ZC3H7A: variants seen among roughly 807,000 people sequenced by gnomAD.
ZC3H7A encodes zinc finger CCCH domain-containing protein 7A.
A neutral mutation model predicts 125.5 loss-of-function variants in ZC3H7A; 44 were observed. The ratio of observed to expected loss-of-function variants is 0.35; its 90% CI spans 0.28 to 0.45. The LOEUF (loss-of-function observed/expected upper bound fraction) is 0.45. Among genes scored for constraint, ZC3H7A ranks in the 20% least tolerant of loss-of-function variants. ZC3H7A has a pLI of 1.00. For missense variants in ZC3H7A, 977 were observed against 1,170.7 expected (o/e 0.83, Z 2.41); for synonymous variants, 399 against 391.2 (o/e 1.02, Z -0.23).
chr16:11,763,809 C>CTTTTTT (rs561899308), intron 15 of ZC3H7A, 150 bp from the exon 16 acceptor site: 1 of 163,650 alleles, frequency 6.1e-6, no homozygotes, highest in Admixed American at 8.5e-5. Context: ...TTTTTTTTCT[C>CTTTTTT]TTTTTTTTTT....
At chr16:11,760,553 T>C (rs2052736642) in intron 19 of ZC3H7A, among the ~76,000 whole-genome samples, 1 of 152,184 alleles carries the variant, frequency 6.6e-6, no homozygotes, top group Non-Finnish European at 1.5e-5. Context: ...TTCAACTCCT[T>C]CTTGCAGTTC....
rs2053330205 is a variant in ZC3H7A, at chr16:11,790,406, G to A, written c.-35+6718C>T. 5.3e-5 allele frequency among the ~76,000 whole-genome samples: 8 copies of A among 152,284 alleles called. No homozygotes were observed. In the South Asian group the frequency reaches 1.7e-3, roughly 32 times the overall value. On this transcript the variant is annotated intron_variant, in intron 1 of 22. Coordinates refer to ENST00000355758, the MANE Select transcript of ZC3H7A (RefSeq NM_014153.4). ...TCTGCTCATTTTTCTTCCAGGCTGA[G>A]CTTTACTTATTTATGGAAGCTCTTT...
chr16:11,755,156 G>A (rs538831612), intron 21 of ZC3H7A, among the ~76,000 whole-genome samples: 12 of 149,528 alleles, frequency 8.0e-5, no homozygotes, highest in African/African-American at 3.0e-4. Context: ...GTTGCAGTGA[G>A]CCAAGACTAC....
intron 1 of ZC3H7A, among the ~76,000 whole-genome samples, chr16:11,792,785 G>A (rs2018451692): frequency 1.3e-5 from 2 of 152,198 alleles, no homozygotes; most frequent in Non-Finnish European, 1.5e-5. Flanking sequence ...TATCCACCTG[G>A]CTCTTCTGCA....
Position 11,761,422 on chromosome 16 carries a change from A to G in ZC3H7A, c.2303T>C (p.Met768Thr), listed in dbSNP as rs148354928. 1.2e-6 allele frequency: 2 copies of G among 1,613,954 alleles called. No homozygotes were observed. The highest frequency in any genetic ancestry group is 8.5e-7 in the Non-Finnish European group (1 of 1,179,964). ...NIRPLPTKKQ[M>T]PLQFDLCNHI... ...CGTATGTACATCAAACTGTAAAGGC[A>G]TTTGTTTCTTTGTGGGGAGAGGACG... The change falls in exon 19 of 23, where the codon ATG becomes ACG. Residue 768 changes from methionine (M) to threonine (T), a missense_variant. Met to Thr is a moderately conservative substitution (Grantham distance 81). Transcript: ENST00000355758.
At chr16:11,781,030 C>A (rs1211631473) in intron 3 of ZC3H7A, among the ~76,000 whole-genome samples, 1 of 151,554 alleles carries the variant, frequency 6.6e-6, no homozygotes, top group East Asian at 1.9e-4. Flanking sequence ...TAAATTAATT[C>A]AAAACCACCC....
chr16:11,793,859 AAAC>A (rs2053391589), intron 1 of ZC3H7A, among the ~76,000 whole-genome samples: 1 of 152,194 alleles, frequency 6.6e-6, no homozygotes, highest in African/African-American at 2.4e-5. Flanking sequence ...ACAGTATGCC[AAAC>A]AACAGCAGGA....
At position 11,751,084 on chromosome 16, in the gene ZC3H7A, C is replaced by A; in HGVS notation, c.*233G>T. 1 of 424,826 alleles carries A rather than the reference C, an allele frequency of 2.4e-6. No individual in the cohort carries two copies. The highest frequency in any genetic ancestry group is 4.2e-6 in the Non-Finnish European group (1 of 237,486). 26.3% of individuals were successfully genotyped at this position (424,826 alleles called of 1,614,324 possible). The stretch of plus-strand genomic sequence containing the variant: ...ACACTTCATCCAAAAGTCTGTTCAA[C>A]AGATGGCAACCGGGTAGCAGTCACT... On this transcript the variant is annotated 3_prime_UTR_variant, in exon 23 of 23. Transcript: ENST00000355758.
At chr16:11,789,027 C>T (rs931619390) in intron 1 of ZC3H7A, among the ~76,000 whole-genome samples, 9 of 152,222 alleles carry the variant, frequency 5.9e-5, no homozygotes, top group East Asian at 1.9e-4. Flanking sequence ...CACACAGGCA[C>T]GCACAACCAC....
At chr16:11,788,980 G>C (rs2053305223) in intron 1 of ZC3H7A, among the ~76,000 whole-genome samples, 1 of 151,920 alleles carries the variant, frequency 6.6e-6, no homozygotes, top group Non-Finnish European at 1.5e-5. Context: ...TTTATGCATG[G>C]GATAAAACTG....
At position 11,765,754 on chromosome 16, in the gene ZC3H7A, G is replaced by C. The variant is rs1350796671; in HGVS notation, c.1523-69C>G. 2.0e-6 allele frequency: 3 copies of C among 1,478,784 alleles called. No homozygotes were observed. Among genetic ancestry groups the C allele is most frequent in the Non-Finnish European group, 2.7e-6 (3 of 1,091,958 alleles). 91.6% of individuals were successfully genotyped at this position (1,478,784 alleles called of 1,614,324 possible). A position where few individuals can be genotyped will look rare whatever the true frequency, so the allele number is the denominator to read the frequency against. ...GGCCTGTACTCCCAGCTACTTGGGA[G>C]GCTGAGGTGGGAGGATCCCTTGAGC... is the stretch of plus-strand genomic sequence containing the variant. On this transcript the variant is annotated intron_variant, in intron 13 of 22. Coordinates refer to ENST00000355758, the MANE Select transcript of ZC3H7A (RefSeq NM_014153.4). This position sits in a 1 kb window ranked among gnomAD's most constrained non-coding sequence, Gnocchi z 4.8.
intron 4 of ZC3H7A, among the ~76,000 whole-genome samples, chr16:11,778,693 C>T (rs2053124964): frequency 6.6e-6 from 1 of 151,884 alleles, no homozygotes; most frequent in Admixed American, 6.6e-5. Flanking sequence ...ACCTTCTGTC[C>T]AAAGCTAATT....
Position 11,765,556 on chromosome 16 carries a change from C to A in ZC3H7A, c.1652G>T (p.Gly551Val). The A allele has an allele frequency of 6.2e-7, 1 of 1,614,172 alleles. No individual in the cohort carries two copies. Among genetic ancestry groups the A allele is most frequent in the Non-Finnish European group, 8.5e-7 (1 of 1,180,024 alleles). Reference sequence around the variant, plus strand: ...TTTGAACACAGTAAGGTTAATCTTTCCATTGCCGCCAAAGAAAGCCTCCCG... The same window carrying A: ...TTTGAACACAGTAAGGTTAATCTTTACATTGCCGCCAAAGAAAGCCTCCCG... ...FSREAFFGGN[G>V]KINLTVFKLL... The change falls in exon 14 of 23, where the codon GGA becomes GTA. Residue 551 changes from glycine to valine, a missense_variant. Gly to Val is a moderately radical substitution (Grantham distance 109). This residue lies in a region of ZC3H7A where 436 missense variants were observed against 603.2 expected (regional missense o/e 0.72). Transcript: ENST00000355758. This position sits in a 1 kb window ranked among gnomAD's most constrained non-coding sequence, Gnocchi z 4.8.
chr16:11,753,090 C>T, intron 21 of ZC3H7A: 1 of 408,134 alleles, frequency 2.5e-6, no homozygotes, highest in Non-Finnish European at 4.4e-6. Context: ...AGGATGTTTG[C>T]TGGGAGAACA....
At chr16:11,787,664 G>T (rs191241283) in intron 1 of ZC3H7A, among the ~76,000 whole-genome samples, 2 of 152,172 alleles carry the variant, frequency 1.3e-5, no homozygotes, top group East Asian at 3.9e-4. Flanking sequence ...CACAGGGACT[G>T]GCCAGGCACA....
At chr16:11,784,762 G>A (rs1288584738) in intron 1 of ZC3H7A, among the ~76,000 whole-genome samples, 1 of 151,544 alleles carries the variant, frequency 6.6e-6, no homozygotes, top group East Asian at 1.9e-4. Flanking sequence ...GCTGAGGCAG[G>A]AGAATCACTT....
chr16:11,790,250 A>G (rs190481183), intron 1 of ZC3H7A, among the ~76,000 whole-genome samples: 34 of 152,236 alleles, frequency 2.2e-4, no homozygotes, highest in Admixed American at 3.9e-4. Flanking sequence ...TTGTGAACCA[A>G]AAAAGTGAGA....
chr16:11,782,201 C>G, intron 2 of ZC3H7A, 86 bp downstream of exon 2: 1 of 1,477,630 alleles, frequency 6.8e-7, no homozygotes, highest in African/African-American at 1.4e-5. Context: ...TTAAACATGA[C>G]TAAAGAGTTC....
intron 19 of ZC3H7A, 143 bp from the exon 20 acceptor site, chr16:11,758,682 C>G: frequency 1.6e-6 from 1 of 616,214 alleles, no homozygotes; most frequent in East Asian, 2.8e-5. Context: ...TGACTCTACT[C>G]AAATTAACTA....
Sources: gnomAD v4.1 joint callset for allele counts (sites outside exome capture counted in the v4.1 genomes callset) on GRCh38, gnomAD v4.1.1 for gene constraint, gnomAD v4.1.1 regional missense constraint, Gnocchi (gnomAD v3.1) non-coding constraint, MANE v1.5 for transcripts, NCBI Gene and HGNC (gene_info 2026-07-23, HGNC 2026-07-21) for gene names.